Variants in ALB observed in about 807,000 individuals in gnomAD.
The protein encoded by ALB is serum albumin.
Under a neutral mutation model 74.5 loss-of-function variants are expected in ALB, and 37 were observed. The observed-to-expected ratio is 0.50, with a 90% CI of 0.38 to 0.65. The LOEUF is 0.65. Among genes scored for constraint, ALB ranks in the 30% least tolerant of loss-of-function variants. The pLI is 0.00. For synonymous variants in ALB, 249 were observed against 251.6 expected (o/e 0.99, Z 0.10); for missense variants, 685 against 718.7 (o/e 0.95, Z 0.54).
In ALB at chr4:73,416,249, G is replaced by A; in HGVS notation, c.1192-7G>A. ...AATACTATTAACACAATTCTTTTATGTTTCAGTTCGATGAATTTAAACCTC... is the reference window on the plus strand; with the variant it reads ...AATACTATTAACACAATTCTTTTATATTTCAGTTCGATGAATTTAAACCTC... On this transcript the variant is annotated splice_polypyrimidine_tract_variant and splice_region_variant and intron_variant, in intron 9 of 14. Transcript: ENST00000295897. 1 of 1,610,726 alleles carries A rather than the reference G, an allele frequency of 6.2e-7. No homozygotes were observed. The highest frequency in any genetic ancestry group is 8.5e-7 in the Non-Finnish European group (1 of 1,177,286).
chr4:73,416,578 A>G (rs1047151420), intron 10 of ALB, among the ~76,000 whole-genome samples: 4 of 152,134 alleles, frequency 2.6e-5, no homozygotes, highest in African/African-American at 9.7e-5. Flanking sequence ...GGAAGTATGT[A>G]GGCTGGGAGG....
rs1719110061 is a variant in ALB, at chr4:73,420,213, T to C, written c.1786-41T>C. ...TGTTAATTTTGTATCCTAATAGTAATGCTAATATTTTCCTAACATCTGTCA... is the reference window on the plus strand; with the variant it reads ...TGTTAATTTTGTATCCTAATAGTAACGCTAATATTTTCCTAACATCTGTCA... On this transcript the variant is annotated intron_variant, in intron 13 of 14. Coordinates refer to ENST00000295897, the MANE Select transcript of ALB (RefSeq NM_000477.7). 14 of 1,561,382 alleles carry C rather than the reference T, an allele frequency of 9.0e-6. No individual in the cohort carries two copies. The East Asian group carries it at 3.1e-4, about 35-fold the overall frequency.
chr4:73,406,895 T>C (rs906415383), intron 3 of ALB, 134 bp downstream of exon 3: 7 of 1,000,248 alleles, frequency 7.0e-6, no homozygotes, highest in African/African-American at 1.6e-5. Context: ...AAGTTGCTCA[T>C]AGACTGATAA....
chr4:73,415,417 T>C (rs998780337), intron 9 of ALB: 4 of 454,918 alleles, frequency 8.8e-6, no homozygotes, highest in Non-Finnish European at 1.6e-5. Flanking sequence ...TTTCTCTTTT[T>C]CACAATCCTG....
Position 73,415,148 on chromosome 4 carries a change from A to G in ALB, c.1172A>G (p.His391Arg), listed in dbSNP as rs745723464. ...LEKCCAAADP[H>R]ECYAKVFDEF... Reference sequence around the variant, plus strand: ...AAGTGCTGTGCCGCTGCAGATCCTCATGAATGCTATGCCAAAGTGGTAGGT... The same window carrying G: ...AAGTGCTGTGCCGCTGCAGATCCTCGTGAATGCTATGCCAAAGTGGTAGGT... Residue 391 changes from histidine to arginine, a missense_variant, in exon 9 of 15, where the codon CAT becomes CGT. Coordinates refer to ENST00000295897, the MANE Select transcript of ALB (RefSeq NM_000477.7). The G allele has an allele frequency of 1.4e-5, 23 of 1,614,062 alleles. No individual in the cohort carries two copies. In the South Asian group the frequency reaches 2.3e-4, roughly 16 times the overall value.
intron 11 of ALB, among the ~76,000 whole-genome samples, 178 bp downstream of exon 11, chr4:73,417,847 A>T (rs564975358): frequency 1.2e-3 from 184 of 151,266 alleles, no homozygotes; most frequent in African/African-American, 4.3e-3. Context: ...CCCGAGGATG[A>T]TAATTTTTTT....
chr4:73,411,853 G>A (rs559061287), intron 6 of ALB, 143 bp from the exon 7 acceptor site: 66 of 986,884 alleles, frequency 6.7e-5, no homozygotes, highest in East Asian at 4.0e-4. Context: ...ATTACCATTT[G>A]GTTCAGAACT....
chr4:73,414,215 A>T (rs938020449), intron 8 of ALB, among the ~76,000 whole-genome samples: 1 of 152,230 alleles, frequency 6.6e-6, no homozygotes, highest in Non-Finnish European at 1.5e-5. Context: ...GATTATGATA[A>T]TGCACTAAAT....
chr4:73,415,549 A>G (rs1435074572), intron 9 of ALB, among the ~76,000 whole-genome samples: 1 of 152,234 alleles, frequency 6.6e-6, no homozygotes, highest in Non-Finnish European at 1.5e-5. Flanking sequence ...CAAATTATAG[A>G]ACCTATCCCT....
chr4:73,413,260 T>G, intron 7 of ALB, 160 bp from the exon 8 acceptor site: 1 of 708,388 alleles, frequency 1.4e-6, no homozygotes, highest in Non-Finnish European at 2.5e-6. Context: ...TAGTCCTATC[T>G]ACATCTCCAG....
At chr4:73,414,604 C>T (rs957755490) in intron 8 of ALB, among the ~76,000 whole-genome samples, 1 of 152,086 alleles carries the variant, frequency 6.6e-6, no homozygotes, top group Non-Finnish European at 1.5e-5. Context: ...TACAGGCATG[C>T]ACCACCATGC....
intron 7 of ALB, chr4:73,413,186 A>T: frequency 2.0e-6 from 1 of 498,342 alleles, no homozygotes; most frequent in Non-Finnish European, 3.6e-6. Context: ...CATAAAATTA[A>T]TAAATAACTG....
rs560085213 is a variant in ALB, at chr4:73,406,675, G to A, written c.184G>A (p.Asp62Asn). 2.5e-6 allele frequency: 4 copies of A among 1,613,878 alleles called. No homozygotes were observed. In the South Asian group the frequency reaches 4.4e-5, roughly 18 times the overall value. Residue 62 changes from aspartate to asparagine, a missense_variant, in exon 3 of 15, where the codon GAT (aspartate) becomes AAT (asparagine). By Grantham distance (23) the Asp-to-Asn change is conservative. Coordinates refer to ENST00000295897, the MANE Select transcript of ALB (RefSeq NM_000477.7). Reference protein sequence around the residue: ...AQYLQQCPFEDHVKLVNEVTE... With the variant: ...AQYLQQCPFENHVKLVNEVTE... ...GTATCTTCAGCAGTGTCCATTTGAA[G>A]ATCATGTAAAATTAGTGAATGAAGT... is the stretch of plus-strand genomic sequence containing the variant.
At position 73,421,307 on chromosome 4, in the gene ALB, ATTCTGTAGG is replaced by A. The variant is rs1427710870; in HGVS notation, c.*246_*254del. The A allele has an allele frequency of 3.4e-5, 14 of 416,124 alleles. No homozygotes were observed. The highest frequency in any genetic ancestry group is 5.1e-5 in the Non-Finnish European group (12 of 235,120). The allele number at this position is 416,124 out of a possible 1,614,324, so 25.8% of individuals were successfully genotyped here. A position where few individuals can be genotyped will look rare whatever the true frequency, so the allele number is the denominator to read the frequency against. On this transcript the variant is annotated 3_prime_UTR_variant, in exon 15 of 15. Transcript: ENST00000295897. ...TCAAAGATGTGTTGCTATCCTGAAA[ATTCTGTAGG>A]TTCTGTGGAAGTTCCAGTGTTCTCT...
Position 73,410,311 on chromosome 4 carries a change from G to C in ALB, c.616-1G>C. ...TTTCATCAAATTATTCCTTTTTGTA[G>C]CTCGATGAACTTCGGGATGAAGGGA... On this transcript the variant is annotated splice_acceptor_variant, in intron 5 of 14. Coordinates refer to ENST00000295897, the MANE Select transcript of ALB (RefSeq NM_000477.7). LOFTEE classifies it high-confidence loss of function. The C allele has an allele frequency of 6.2e-7, 1 of 1,612,530 alleles. No individual in the cohort carries two copies. Among genetic ancestry groups the C allele is most frequent in the South Asian group, 1.1e-5 (1 of 91,040 alleles).
chr4:73,406,651 T>C lies in ALB; in HGVS notation c.160T>C (p.Tyr54His), dbSNP rs760035423. 1 of 1,613,860 alleles carries C rather than the reference T, an allele frequency of 6.2e-7. No homozygotes were observed. Among genetic ancestry groups the C allele is most frequent in the Non-Finnish European group, 8.5e-7 (1 of 1,179,920 alleles). Residue 54 changes from tyrosine (Y) to histidine (H), a missense_variant, in exon 3 of 15, where the codon TAT becomes CAT. Physicochemically the swap from Tyr to His is moderately conservative, Grantham distance 83. Coordinates refer to ENST00000295897, the MANE Select transcript of ALB (RefSeq NM_000477.7). ...CAGGGTGTTGATTGCCTTTGCTCAG[T>C]ATCTTCAGCAGTGTCCATTTGAAGA... The part of the protein sequence containing the change: ...KALVLIAFAQ[Y>H]LQQCPFEDHV...
Position 73,417,739 on chromosome 4 carries a change from C to T in ALB, c.1428+70C>T, listed in dbSNP as rs1287645612. ...TACCTTTAGATATTGATAATGCTAGCTTTCATAAGCAGAAGGAAGTAATGT... is the reference window on the plus strand; with the variant it reads ...TACCTTTAGATATTGATAATGCTAGTTTTCATAAGCAGAAGGAAGTAATGT... On this transcript the variant is annotated intron_variant, in intron 11 of 14. Coordinates refer to ENST00000295897, the MANE Select transcript of ALB (RefSeq NM_000477.7). The T allele has an allele frequency of 8.9e-6, 12 of 1,350,074 alleles. No homozygotes were observed. The East Asian group carries it at 2.0e-4, about 23-fold the overall frequency. 83.6% of individuals were successfully genotyped at this position (1,350,074 alleles called of 1,614,324 possible).
chr4:73,421,302 T>A lies in ALB; in HGVS notation c.*234T>A. The A allele has an allele frequency of 2.4e-6, 1 of 419,650 alleles. No homozygotes were observed. The allele number at this position is 419,650 out of a possible 1,614,324, so 26.0% of individuals were successfully genotyped here. A position where few individuals can be genotyped will look rare whatever the true frequency, so the allele number is the denominator to read the frequency against. ...ATTTTTCAAAGATGTGTTGCTATCC[T>A]GAAAATTCTGTAGGTTCTGTGGAAG... On this transcript the variant is annotated 3_prime_UTR_variant, in exon 15 of 15. Coordinates refer to ENST00000295897, the MANE Select transcript of ALB (RefSeq NM_000477.7).
chr4:73,419,572 A>T lies in ALB; in HGVS notation c.1718A>T (p.Asp573Val). ...ATKEQLKAVM[D>V]DFAAFVEKCC... is the part of the protein sequence containing the mutation. ...AAAGAGCAACTGAAAGCTGTTATGG[A>T]TGATTTCGCAGCTTTTGTAGAGAAG... The change falls in exon 13 of 15, where the codon GAT (aspartate) becomes GTT (valine). Residue 573 changes from aspartate to valine, a missense_variant. Physicochemically the swap from Asp to Val is radical, Grantham distance 152 (BLOSUM62 -3). Coordinates refer to ENST00000295897, the MANE Select transcript of ALB (RefSeq NM_000477.7). 1 of 1,613,772 alleles carries T rather than the reference A, an allele frequency of 6.2e-7. No individual in the cohort carries two copies. The highest frequency in any genetic ancestry group is 8.5e-7 in the Non-Finnish European group (1 of 1,179,912).
Sources: allele counts gnomAD v4.1 joint callset (sites outside exome capture counted in the v4.1 genomes callset), GRCh38; gene constraint gnomAD v4.1.1; transcripts MANE v1.5; gene names NCBI Gene and HGNC (gene_info 2026-07-23, HGNC 2026-07-21).